GRIK2: variants seen among roughly 807,000 people sequenced by gnomAD.
GRIK2 encodes glutamate receptor ionotropic, kainate 2.
Under a neutral mutation model 100.3 loss-of-function variants are expected in GRIK2, and 32 were observed. That is an observed-to-expected ratio of 0.32 (90% CI 0.24 to 0.43). The LOEUF (loss-of-function observed/expected upper bound fraction) is 0.43, where lower values mean the gene tolerates loss of function less well. Among genes scored for constraint, GRIK2 ranks in the 20% least tolerant of loss-of-function variants. The pLI, the probability that GRIK2 is intolerant of heterozygous loss-of-function variation, is 1.00. For synonymous variants in GRIK2, 417 were observed against 389.4 expected, an observed-to-expected ratio of 1.07 and a Z score of -0.83; for missense variants, 843 against 1,114.9, an observed-to-expected ratio of 0.76 and a Z score of 3.47.
rs150659747 is a variant in GRIK2, at chr6:101,688,536, G to C, written c.951+2183G>C. 2.5e-3 allele frequency among the ~76,000 whole-genome samples: 386 copies of C among 152,098 alleles called. 6 individuals carry two copies. The highest frequency in any genetic ancestry group is 9.0e-3 in the African/African-American group (374 of 41,566). ...AACCTCTACAATATGGAAAAAGAGA[G>C]AGGATATTAGGAGAATTACAAATTT... On this transcript the variant is annotated intron_variant, in intron 7 of 16. Coordinates refer to ENST00000369134, the MANE Select transcript of GRIK2 (RefSeq NM_021956.5).
intron 7 of GRIK2, among the ~76,000 whole-genome samples, chr6:101,794,122 C>A (rs1291753756): frequency 6.6e-6 from 1 of 152,154 alleles, no homozygotes; most frequent in East Asian, 1.9e-4. Flanking sequence ...TCACCCCTTT[C>A]CTTGACCAGG....
intron 7 of GRIK2, among the ~76,000 whole-genome samples, chr6:101,743,583 C>T (rs1048027898): frequency 8.6e-5 from 13 of 151,956 alleles, no homozygotes; most frequent in Admixed American, 2.6e-4. Flanking sequence ...TTATCTACAC[C>T]TTGTTCTCCT....
rs948486869 is a variant in GRIK2 at position 101,987,748 on chromosome 6, T to C, written c.2086-47593T>C. Among the ~76,000 whole-genome samples the C allele has an allele frequency of 2.0e-4, 30 of 151,442 alleles. 2 individuals carry two copies. Among genetic ancestry groups the C allele is most frequent in the Admixed American group, 2.0e-3 (30 of 15,160 alleles). ...TCTTCATTTTTTAAACTAGTAATTATAGATTTGTAACATTTGTAATATGTG... is the reference window on the plus strand; with the variant it reads ...TCTTCATTTTTTAAACTAGTAATTACAGATTTGTAACATTTGTAATATGTG... On this transcript the variant is annotated intron_variant, in intron 14 of 16. Transcript: ENST00000369134.
Position 101,804,577 on chromosome 6 carries a change from G to A in GRIK2, c.1203+2139G>A, listed in dbSNP as rs566141461. 1.2e-4 allele frequency among the ~76,000 whole-genome samples: 18 copies of A among 152,062 alleles called. No homozygotes were observed. The South Asian group carries it at 3.7e-3, about 32-fold the overall frequency. On this transcript the variant is annotated intron_variant, in intron 9 of 16. Transcript: ENST00000369134. ...AGCATTTGGACTATGTTTTTAAGGA[G>A]AAATGGAGGAGCCAGGTAGGAAAAG...
Position 101,911,524 on chromosome 6 carries a change from A to C in GRIK2, c.1749-13077A>C, listed in dbSNP as rs75091043. ...TGCTGACTTAAAGATTATCCTAGAC[A>C]GCCTTTAAACTTAAAGGTAATCATT... On this transcript the variant is annotated intron_variant, in intron 12 of 16. Transcript: ENST00000369134. Among the ~76,000 whole-genome samples, 912 of 151,658 alleles carry C rather than the reference A, an allele frequency of 6.0e-3. 7 individuals are homozygous for C. The highest frequency in any genetic ancestry group is 0.01 in the Non-Finnish European group (677 of 67,696).
In GRIK2 at chr6:101,623,659, C is replaced by T. The variant is rs190442081; in HGVS notation, c.283+1543C>T. The stretch of plus-strand genomic sequence containing the variant: ...GAGTACTATCCTGGGAATGCCCTAG[C>T]AAAATTATGAATTGATAAAGTCATG... On this transcript the variant is annotated intron_variant, in intron 3 of 16. Coordinates refer to ENST00000369134, the MANE Select transcript of GRIK2 (RefSeq NM_021956.5). Among the ~76,000 whole-genome samples the T allele has an allele frequency of 2.6e-5, 4 of 152,170 alleles. No homozygotes were observed. The East Asian group carries it at 7.7e-4, about 29-fold the overall frequency.
At chr6:101,628,442 T>G (rs1185989706) in intron 4 of GRIK2, among the ~76,000 whole-genome samples, 1 of 152,078 alleles carries the variant, frequency 6.6e-6, no homozygotes, top group Non-Finnish European at 1.5e-5. Flanking sequence ...GTATGTTTGA[T>G]CTCTGTTAGC....
chr6:101,488,002 T>C (rs1328525066), intron 2 of GRIK2, among the ~76,000 whole-genome samples: 6 of 146,600 alleles, frequency 4.1e-5, no homozygotes, highest in Non-Finnish European at 7.5e-5. Context: ...TTCAGATGGA[T>C]GTCAACTATA....
Position 101,959,863 on chromosome 6 carries a change from TC to T in GRIK2, c.2085+31233del, listed in dbSNP as rs568318924. ...ATGAGTTTCATCTTGTAAAGTATGTTCCAAGTATTCACTGAGCTTGTTGTAT... is the reference window on the plus strand; with the variant it reads ...ATGAGTTTCATCTTGTAAAGTATGTTCAAGTATTCACTGAGCTTGTTGTAT... On this transcript the variant is annotated intron_variant, in intron 14 of 16. Coordinates refer to ENST00000369134, the MANE Select transcript of GRIK2 (RefSeq NM_021956.5). Among the ~76,000 whole-genome samples, 4 of 152,204 alleles carry T rather than the reference TC, an allele frequency of 2.6e-5. No homozygotes were observed. In the South Asian group the frequency reaches 6.2e-4, roughly 24 times the overall value.
chr6:101,958,253 T>TTCTGTGTGTG (rs150156844), intron 14 of GRIK2, among the ~76,000 whole-genome samples: 4,518 of 139,448 alleles, frequency 0.032, 133 homozygotes, highest in African/African-American at 0.083. Flanking sequence ...TGCTACATAT[T>TTCTGTGTGTG]TGTGTGTGTG....
Position 101,889,690 on chromosome 6 carries a change from G to A in GRIK2, c.1575G>A (p.Lys525=), listed in dbSNP as rs775875995. 2.3e-5 allele frequency: 37 copies of A among 1,611,352 alleles called. 1 individual carries two copies. The South Asian group carries it at 2.4e-4, about 11-fold the overall frequency. ...APLAITYVRE[K]VIDFSKPFMT... ...TGGCTATTACCTATGTTCGAGAGAA[G>A]GTCATCGACTTTTCCAAGCCCTTTA... The change falls in exon 12 of 17, where the codon AAG becomes AAA. Residue 525 remains lysine, a synonymous_variant. Coordinates refer to ENST00000369134, the MANE Select transcript of GRIK2 (RefSeq NM_021956.5).
chr6:101,575,999 A>C (rs1011682557), intron 2 of GRIK2, among the ~76,000 whole-genome samples: 2 of 151,988 alleles, frequency 1.3e-5, no homozygotes, highest in Admixed American at 1.3e-4. Context: ...AACAACCAAG[A>C]TGTTTGAGTC....
At chr6:101,716,323 A>T (rs1774064478) in intron 7 of GRIK2, among the ~76,000 whole-genome samples, 1 of 151,666 alleles carries the variant, frequency 6.6e-6, no homozygotes, top group Admixed American at 6.6e-5. Flanking sequence ...GTATACTATA[A>T]TGAAAGAAGG....
intron 7 of GRIK2, among the ~76,000 whole-genome samples, chr6:101,722,243 A>G (rs1774533160): frequency 6.6e-6 from 1 of 151,996 alleles, no homozygotes; most frequent in Admixed American, 6.6e-5. Flanking sequence ...GGTTACTTAT[A>G]CCAGGAGTAG....
chr6:101,510,751 T>C (rs1244488873), intron 2 of GRIK2, among the ~76,000 whole-genome samples: 2 of 151,598 alleles, frequency 1.3e-5, no homozygotes, highest in Non-Finnish European at 2.9e-5. Flanking sequence ...CTTGAACTCC[T>C]GGCCTCCTGA....
At chr6:101,958,026 TTAATAC>T (rs1216234846) in intron 14 of GRIK2, among the ~76,000 whole-genome samples, 1 of 152,096 alleles carries the variant, frequency 6.6e-6, no homozygotes, top group Non-Finnish European at 1.5e-5. Context: ...TGGTTTCATA[TTAATAC>T]TATGATTGTT....
intron 11 of GRIK2, among the ~76,000 whole-genome samples, chr6:101,866,664 A>T (rs1785069360): frequency 6.6e-6 from 1 of 152,168 alleles, no homozygotes; most frequent in African/African-American, 2.4e-5. Context: ...AGAGTACATT[A>T]GACTATTTGA....
At chr6:101,459,313 C>T (rs1358092421) in intron 2 of GRIK2, among the ~76,000 whole-genome samples, 1 of 151,866 alleles carries the variant, frequency 6.6e-6, no homozygotes, top group East Asian at 1.9e-4. Context: ...AGTCCAAAGA[C>T]AAAAAAGAGT....
chr6:101,778,392 C>T (rs1778878315), intron 7 of GRIK2, among the ~76,000 whole-genome samples: 1 of 152,072 alleles, frequency 6.6e-6, no homozygotes, highest in Non-Finnish European at 1.5e-5. Flanking sequence ...TTAAATTACT[C>T]TTAAGAGTAA....
Sources: gnomAD v4.1 joint callset for allele counts (sites outside exome capture counted in the v4.1 genomes callset) on GRCh38, gnomAD v4.1.1 for gene constraint, MANE v1.5 for transcripts, NCBI Gene and HGNC (gene_info 2026-07-23, HGNC 2026-07-21) for gene names.